GRIA2: variants seen among roughly 807,000 people sequenced by gnomAD.
The protein encoded by GRIA2 is glutamate receptor 2.
GRIA2 carries 14 observed loss-of-function variants against 97.3 expected under a neutral mutation model. The ratio of observed to expected loss-of-function variants is 0.14; its 90% CI spans 0.10 to 0.23. The LOEUF is 0.23. Among genes scored for constraint, GRIA2 ranks in the 10% least tolerant of loss-of-function variants. The pLI, the probability that GRIA2 is intolerant of heterozygous loss-of-function variation, is 1.00. For missense variants in GRIA2, 558 were observed against 1,069.8 expected (o/e 0.52, Z 6.67); for synonymous variants, 412 against 387.8 (o/e 1.06, Z -0.73).
chr4:157,342,227 A>G, intron 12 of GRIA2: 1 of 982,846 alleles, frequency 1.0e-6, no homozygotes, highest in South Asian at 4.7e-5. Flanking sequence ...ATATTCGAAT[A>G]TATCTGAGTT....
At chr4:157,227,785 G>T (rs1262377918) in intron 2 of GRIA2, among the ~76,000 whole-genome samples, 1 of 152,080 alleles carries the variant, frequency 6.6e-6, no homozygotes, top group Non-Finnish European at 1.5e-5. Context: ...TTTCTCCAAA[G>T]ATCTACATAA....
Position 157,273,450 on chromosome 4 carries a change from CAA to C in GRIA2, c.230-30101_230-30100del, listed in dbSNP as rs59155392. 6.4e-3 allele frequency among the ~76,000 whole-genome samples: 967 copies of C among 152,006 alleles called. 7 individuals are homozygous for C. Among genetic ancestry groups the C allele is most frequent in the African/African-American group, 0.021 (867 of 41,496 alleles). On this transcript the variant is annotated intron_variant, in intron 2 of 15. Transcript: ENST00000264426. Reference sequence around the variant, plus strand: ...TTATTGGATGATGAATTTAAAACATCAATGATTAATATGCTAAGGGCTTCAAT... The same window carrying C: ...TTATTGGATGATGAATTTAAAACATCTGATTAATATGCTAAGGGCTTCAAT...
chr4:157,331,669 A>G (rs1250383649), intron 6 of GRIA2, among the ~76,000 whole-genome samples: 1 of 152,024 alleles, frequency 6.6e-6, no homozygotes, highest in Non-Finnish European at 1.5e-5. Context: ...CAGGTGAACA[A>G]CAGAGTATGG....
chr4:157,255,265 A>ACACACACACACAC (rs1491231995), intron 2 of GRIA2, among the ~76,000 whole-genome samples: 1 of 98,934 alleles, frequency 1.0e-5, no homozygotes, highest in African/African-American at 5.0e-5. Flanking sequence ...ATGGCTGAAT[A>ACACACACACACAC]CACACACACA....
At chr4:157,288,360 T>G (rs1579334572) in intron 2 of GRIA2, among the ~76,000 whole-genome samples, 1 of 151,780 alleles carries the variant, frequency 6.6e-6, no homozygotes, top group East Asian at 1.9e-4. Flanking sequence ...CCTCCATTAT[T>G]TTTTCTCTTT....
At chr4:157,245,921 C>T (rs1397074288) in intron 2 of GRIA2, among the ~76,000 whole-genome samples, 1 of 152,068 alleles carries the variant, frequency 6.6e-6, no homozygotes, top group East Asian at 1.9e-4. Context: ...AGGAACTCAA[C>T]CCTTAGGCTT....
At chr4:157,232,736 T>G (rs557806635) in intron 2 of GRIA2, among the ~76,000 whole-genome samples, 3 of 152,300 alleles carry the variant, frequency 2.0e-5, no homozygotes, top group African/African-American at 7.2e-5. Context: ...ATCTTAATGA[T>G]GAATACACAA....
At chr4:157,329,036 C>T (rs980110763) in intron 6 of GRIA2, among the ~76,000 whole-genome samples, 28 of 151,838 alleles carry the variant, frequency 1.8e-4, no homozygotes, top group Admixed American at 2.6e-4. Context: ...AAATTAAAGA[C>T]GACCTTATCA....
intron 2 of GRIA2, among the ~76,000 whole-genome samples, chr4:157,261,606 T>C (rs1004619675): frequency 6.6e-6 from 1 of 152,126 alleles, no homozygotes; most frequent in Admixed American, 6.6e-5. Context: ...ACTTGTCACA[T>C]AAGCCAGTTT....
intron 2 of GRIA2, among the ~76,000 whole-genome samples, chr4:157,242,212 G>T (rs187932112): frequency 6.6e-6 from 1 of 152,134 alleles, no homozygotes. Flanking sequence ...TCTCTAAAAA[G>T]GCAGTCAGGT....
At chr4:157,222,864 C>T (rs376761768) in intron 2 of GRIA2, among the ~76,000 whole-genome samples, 1 of 152,182 alleles carries the variant, frequency 6.6e-6, no homozygotes, top group Admixed American at 6.5e-5. Context: ...CCGGTCCCCG[C>T]GCTCGCTCCC....
intron 3 of GRIA2, among the ~76,000 whole-genome samples, chr4:157,308,700 C>T (rs955388049): frequency 6.6e-6 from 1 of 152,110 alleles, no homozygotes; most frequent in Non-Finnish European, 1.5e-5. Flanking sequence ...GTCTATACAA[C>T]TTTGTATTCT....
rs1432524135 is a variant in GRIA2 at position 157,364,153 on chromosome 4, A to G, written c.*722A>G. The G allele has an allele frequency of 6.6e-6, 1 of 152,492 alleles. No individual in the cohort carries two copies. The highest frequency in any genetic ancestry group is 1.5e-5 in the Non-Finnish European group (1 of 67,976). The allele number at this position is 152,492 out of a possible 1,614,324, so 9.4% of individuals were successfully genotyped here. On this transcript the variant is annotated 3_prime_UTR_variant, in exon 16 of 16. Transcript: ENST00000264426. ...TATGTAAATGCTAAGGAAAGTAAAC[A>G]AAGAGGAGATTCCAATCTTGTAATT...
intron 2 of GRIA2, among the ~76,000 whole-genome samples, chr4:157,233,849 G>T (rs961898833): frequency 6.6e-6 from 1 of 151,868 alleles, no homozygotes; most frequent in Non-Finnish European, 1.5e-5. Context: ...TGTAAAGCTC[G>T]GTAGCATAAG....
At chr4:157,307,141 G>A (rs112029203) in intron 3 of GRIA2, among the ~76,000 whole-genome samples, 4,563 of 152,176 alleles carry the variant, frequency 0.03, 76 homozygotes, top group Middle Eastern at 0.082. Flanking sequence ...CTTTGGAATA[G>A]CATAGGGTCC....
chr4:157,270,434 T>C (rs967676871), intron 2 of GRIA2, among the ~76,000 whole-genome samples: 1 of 152,130 alleles, frequency 6.6e-6, no homozygotes, highest in African/African-American at 2.4e-5. Flanking sequence ...ATAGTTAAAA[T>C]GTGTCAGAGG....
chr4:157,248,807 TATATATAA>T (rs1199815437), intron 2 of GRIA2, among the ~76,000 whole-genome samples: 54 of 84,474 alleles, frequency 6.4e-4, no homozygotes, highest in East Asian at 1.3e-3. Flanking sequence ...TATATATATA[TATATATAA>T]ATAAAATAAT....
At chr4:157,299,575 T>C (rs1476512407) in intron 2 of GRIA2, among the ~76,000 whole-genome samples, 1 of 152,202 alleles carries the variant, frequency 6.6e-6, no homozygotes. Flanking sequence ...CTGTATCATG[T>C]ATGCTACATT....
chr4:157,355,610 A>ATATTTATTTATATT (rs1736224088), intron 12 of GRIA2, among the ~76,000 whole-genome samples: 1 of 137,516 alleles, frequency 7.3e-6, no homozygotes, highest in African/African-American at 2.7e-5. Flanking sequence ...ATATTTATAT[A>ATATTTATTTATATT]TATTTATTTA....
Sources: gnomAD v4.1 joint callset for allele counts (sites outside exome capture counted in the v4.1 genomes callset) on GRCh38, gnomAD v4.1.1 for gene constraint, MANE v1.5 for transcripts, NCBI Gene and HGNC (gene_info 2026-07-23, HGNC 2026-07-21) for gene names.